The following PRAMEF20 variants were observed in gnomAD, a reference collection of about 807,000 sequenced individuals.
The protein encoded by PRAMEF20 is PRAME family member 20/21.
Under a neutral mutation model 32.4 loss-of-function variants are expected in PRAMEF20, and 27 were observed. That is an observed-to-expected ratio of 0.83 (90% CI 0.61 to 1.15). The LOEUF is 1.15. Among genes scored for constraint, PRAMEF20 ranks in the 50% most tolerant of loss-of-function variants. PRAMEF20 has a pLI of 0.00. For missense variants in PRAMEF20, 604 were observed against 584.5 expected (o/e 1.03, Z -0.34); for synonymous variants, 256 against 235.4 (o/e 1.09, Z -0.80).
At chr1:13,419,627 T>C (rs987403915) in intron 2 of PRAMEF20, among the ~76,000 whole-genome samples, 3 of 152,092 alleles carry the variant, frequency 2.0e-5, no homozygotes, top group African/African-American at 7.2e-5. Context: ...GGTTTCACCA[T>C]GTTAGCCAGG....
At chr1:13,414,175 G>A (rs1333645831), upstream of PRAMEF20, among the ~76,000 whole-genome samples, 5 of 151,016 alleles carry the variant, frequency 3.3e-5, no homozygotes, top group African/African-American at 9.7e-5. Flanking sequence ...TCAAGTAGCT[G>A]GGACTACAGG....
intron 2 of PRAMEF20, 122 bp downstream of exon 3, chr1:13,418,822 C>G: frequency 6.5e-7 from 1 of 1,542,392 alleles, no homozygotes. Flanking sequence ...AATGTCAGTG[C>G]ATTTTCCTGT....
intron 1 of PRAMEF20, among the ~76,000 whole-genome samples, 171 bp from the exon 3 acceptor site, chr1:13,417,951 T>TGTGTGTGTGTGTGTGTGTGC (rs1557476949): frequency 8.1e-5 from 12 of 147,640 alleles, no homozygotes; most frequent in African/African-American, 2.5e-4. Context: ...TGTGTGTGTG[T>TGTGTGTGTGTGTGTGTGTGC]GTTTAGTAGA....
Position 13,421,204 on chromosome 1 carries a change from T to C in PRAMEF20, c.1374T>C (p.Pro458=), listed in dbSNP as rs1446501355. Residue 458 remains proline (P), a synonymous_variant, in exon 3 of 3, where the codon CCT becomes CCC. Transcript: ENST00000602960. The stretch of plus-strand genomic sequence containing the variant: ...TCTTGTTCTGTACCGACTACTGCCC[T>C]CAGTGTGGCAACAGGTCACTTTACG... 4 of 1,613,946 alleles carry C rather than the reference T, an allele frequency of 2.5e-6. No homozygotes were observed. In the East Asian group the frequency reaches 8.9e-5, roughly 36 times the overall value.
At chr1:13,419,125 AAAAT>A (rs1351350936) in intron 2 of PRAMEF20, among the ~76,000 whole-genome samples, 2 of 152,172 alleles carry the variant, frequency 1.3e-5, no homozygotes, top group African/African-American at 4.8e-5. Context: ...TCCTGTCTAA[AAAAT>A]AAATAAATAA....
intron 1 of PRAMEF20, among the ~76,000 whole-genome samples, chr1:13,417,173 G>A (rs1474825032): frequency 2.0e-5 from 3 of 152,182 alleles, no homozygotes; most frequent in African/African-American, 4.8e-5. Flanking sequence ...GGGGACCTGA[G>A]TAGGTTGCCG....
chr1:13,420,878 A>T (rs1641235307), exon 3 of PRAMEF20: 11 of 1,613,614 alleles, frequency 6.8e-6, no homozygotes, highest in Middle Eastern at 1.6e-4. Context: ...AGTTGCAGCC[A>T]CCCTTGAGTA....
At chr1:13,411,501 G>A (rs1344427296), upstream of PRAMEF20, among the ~76,000 whole-genome samples, 4 of 152,116 alleles carry the variant, frequency 2.6e-5, no homozygotes, top group African/African-American at 9.7e-5. Context: ...TACAATTGCG[G>A]TTTTGTAAGA....
upstream of PRAMEF20, among the ~76,000 whole-genome samples, chr1:13,415,022 G>A (rs1376189847): frequency 7.3e-5 from 11 of 151,566 alleles, no homozygotes; most frequent in Non-Finnish European, 1.5e-4. Flanking sequence ...CTTGTCTTAA[G>A]AGTGATAGCT....
exon 3 of PRAMEF20, chr1:13,420,701 CTAAAGACCTCGT>C: frequency 6.2e-7 from 1 of 1,613,916 alleles, no homozygotes; most frequent in Non-Finnish European, 8.5e-7. Context: ...CCCCAGCTGT[CTAAAGACCTCGT>C]TAAACATCCT....
intron 1 of PRAMEF20, 108 bp from the exon 3 acceptor site, chr1:13,418,014 T>G: frequency 6.3e-7 from 1 of 1,577,120 alleles, no homozygotes; most frequent in Non-Finnish European, 8.6e-7. Context: ...GACCTTGTGA[T>G]CCGCCCGCCT....
exon 1 of PRAMEF20, chr1:13,416,395 G>A (rs983942010): frequency 6.2e-7 from 1 of 1,613,546 alleles, no homozygotes; most frequent in Non-Finnish European, 8.5e-7. Context: ...GAGCTGGCGG[G>A]GCGGAGCCTG....
At chr1:13,418,305 C>T in exon 2 of PRAMEF20, 2 of 1,613,850 alleles carry the variant, frequency 1.2e-6, no homozygotes, top group Middle Eastern at 1.7e-4. Context: ...GCCTCAAGAA[C>T]AGGACTCTGG....
rs765470347 is a variant in PRAMEF20 at position 13,416,597 on chromosome 1, G to A, written c.243G>A (p.Val81=). The A allele has an allele frequency of 4.3e-6, 7 of 1,614,182 alleles. No homozygotes were observed. The Admixed American group carries it at 5.0e-5, about 12-fold the overall frequency. ...CTTGCCCAGAGACCTTCCAAGCTGTGCTCGATGGGCTTGATGCACTGCTTA... is the reference window on the plus strand; with the variant it reads ...CTTGCCCAGAGACCTTCCAAGCTGTACTCGATGGGCTTGATGCACTGCTTA... The change falls in exon 1 of 3, where the codon GTG becomes GTA. Residue 81 remains valine, a synonymous_variant. Coordinates refer to ENST00000602960, the Ensembl canonical transcript of PRAMEF20.
At chr1:13,418,419 C>T (rs1641206730) in exon 2 of PRAMEF20, 1 of 1,613,900 alleles carries the variant, frequency 6.2e-7, no homozygotes, top group African/African-American at 1.3e-5. Flanking sequence ...TCCACAATAT[C>T]AGAAACATCC....
rs1641175191 is a variant in PRAMEF20 at position 13,416,523 on chromosome 1, C to T, written c.169C>T (p.Gln57Ter). 3 of 1,614,182 alleles carry T rather than the reference C, an allele frequency of 1.9e-6. No homozygotes were observed. Among genetic ancestry groups the T allele is most frequent in the African/African-American group, 1.3e-5 (1 of 75,052 alleles). Residue 57 changes from glutamine to a stop codon, truncating the protein, a stop_gained, in exon 1 of 3, where the codon CAG (glutamine) becomes TAG (stop). Coordinates refer to ENST00000602960, the Ensembl canonical transcript of PRAMEF20. LOFTEE classifies it high-confidence loss of function. ...CTGTGAGGCCCTGAAGCTGATGGTG[C>T]AGGCCTGGCCTTTCCTCCGCCTTCC...
At chr1:13,419,114 C>T (rs1641215421) in intron 2 of PRAMEF20, among the ~76,000 whole-genome samples, 1 of 152,144 alleles carries the variant, frequency 6.6e-6, no homozygotes, top group Non-Finnish European at 1.5e-5. Context: ...ACAGCAAAGA[C>T]TCCTGTCTAA....
At chr1:13,418,375 T>C in exon 2 of PRAMEF20, 1 of 1,613,906 alleles carries the variant, frequency 6.2e-7, no homozygotes, top group South Asian at 1.1e-5. Flanking sequence ...AGTACACCTG[T>C]GCTGTAAGAA....
rs939579673 is a variant in PRAMEF20 at position 13,420,906 on chromosome 1, G to A, written c.1076G>A (p.Cys359Tyr). 5 of 1,613,698 alleles carry A rather than the reference G, an allele frequency of 3.1e-6. No individual in the cohort carries two copies. In the African/African-American group the frequency reaches 6.7e-5, roughly 22 times the overall value. The change falls in exon 3 of 3, where the codon TGT (cysteine) becomes TAT (tyrosine). Residue 359 changes from cysteine (C) to tyrosine (Y), a missense_variant. By Grantham distance (194) the Cys-to-Tyr change is radical. Coordinates refer to ENST00000602960, the Ensembl canonical transcript of PRAMEF20. ...CTTGAGTACCTGGACTTAGATGACT[G>A]TGGCATCGTAGACTCCCAAGTCAAC...
Sources: gnomAD v4.1 joint callset for allele counts (sites outside exome capture counted in the v4.1 genomes callset) on GRCh38, gnomAD v4.1.1 for gene constraint, MANE v1.5 for transcripts, NCBI Gene and HGNC (gene_info 2026-07-23, HGNC 2026-07-21) for gene names.